Variants in GNG2 observed in about 807,000 individuals in gnomAD.
The protein encoded by GNG2 is guanine nucleotide-binding protein G(I)/G(S)/G(O) subunit gamma-2.
A neutral mutation model predicts 5.5 loss-of-function variants in GNG2; 5 were observed. The ratio of observed to expected loss-of-function variants is 0.91; its 90% CI spans 0.48 to 1.92. GNG2 has a LOEUF of 1.92. GNG2 is among the 30% of genes most tolerant of loss of function. GNG2 has a pLI of 0.01. For synonymous variants in GNG2, 28 were observed against 32.0 expected, an observed-to-expected ratio of 0.88 and a Z score of 0.42; for missense variants, 55 against 88.4, an observed-to-expected ratio of 0.62 and a Z score of 1.52.
At chr14:51,962,507 T>C (rs1308097396) in intron 3 of GNG2, among the ~76,000 whole-genome samples, 1 of 152,194 alleles carries the variant, frequency 6.6e-6, no homozygotes, top group African/African-American at 2.4e-5. Flanking sequence ...TTGTATTATT[T>C]GAAGTTCACA....
intron 2 of GNG2, among the ~76,000 whole-genome samples, chr14:51,928,927 G>A (rs74051311): frequency 1.8e-3 from 269 of 152,284 alleles, no homozygotes; most frequent in African/African-American, 6.2e-3. Context: ...TGAGAACTAA[G>A]CCGTAGTCTA....
chr14:51,947,726 C>CAA lies in GNG2; in HGVS notation c.-29-2922_-29-2921dup, dbSNP rs578026546. ...GTAATATATTACAGCAGCAATAGAA[C>CAA]AAATATATTCTCTATCTCAGCCTCC... On this transcript the variant is annotated intron_variant, in intron 2 of 3. Transcript: ENST00000556766. Among the ~76,000 whole-genome samples the CAA allele has an allele frequency of 4.5e-4, 69 of 152,256 alleles. No homozygotes were observed. In the East Asian group the frequency reaches 9.1e-3, roughly 20 times the overall value.
intron 1 of GNG2, among the ~76,000 whole-genome samples, chr14:51,865,983 T>C (rs548557734): frequency 6.6e-6 from 1 of 152,104 alleles, no homozygotes; most frequent in South Asian, 2.1e-4. Context: ...TCTCAAACTT[T>C]AGTGATAACA....
At chr14:51,893,138 G>T (rs1022454754) in intron 2 of GNG2, among the ~76,000 whole-genome samples, 2 of 152,170 alleles carry the variant, frequency 1.3e-5, no homozygotes, top group South Asian at 4.1e-4. Context: ...CAAACAGGGG[G>T]ATTGTTGAGT....
intron 2 of GNG2, among the ~76,000 whole-genome samples, chr14:51,911,559 TA>T (rs1161983967): frequency 2.0e-5 from 3 of 150,318 alleles, no homozygotes; most frequent in African/African-American, 7.4e-5. Context: ...TTTTTTTTTT[TA>T]AGAGACAGAG....
intron 2 of GNG2, among the ~76,000 whole-genome samples, chr14:51,936,955 C>T (rs1888043260): frequency 6.6e-6 from 1 of 152,168 alleles, no homozygotes; most frequent in African/African-American, 2.4e-5. Flanking sequence ...TCCTTTCACC[C>T]AAATAAACAG....
At chr14:51,952,068 T>C (rs1889008772) in intron 3 of GNG2, 1 of 603,558 alleles carries the variant, frequency 1.7e-6, no homozygotes, top group Non-Finnish European at 2.9e-6. Flanking sequence ...TTCATTCCGA[T>C]GTATAGCCAA....
At chr14:51,828,230 AAGCC>A (rs1881082957) in intron 2 of GNG2, among the ~76,000 whole-genome samples, 1 of 152,136 alleles carries the variant, frequency 6.6e-6, no homozygotes, top group African/African-American at 2.4e-5. Context: ...GGGACTGGGG[AAGCC>A]ACCTCAAGGT....
intron 2 of GNG2, among the ~76,000 whole-genome samples, chr14:51,939,230 C>G (rs1888178892): frequency 6.6e-6 from 1 of 152,136 alleles, no homozygotes; most frequent in Non-Finnish European, 1.5e-5. Flanking sequence ...TTTCCTTATC[C>G]AAGTCTCAGA....
chr14:51,898,502 A>C (rs569734297), intron 2 of GNG2, among the ~76,000 whole-genome samples: 62 of 152,320 alleles, frequency 4.1e-4, no homozygotes, highest in Middle Eastern at 3.4e-3. Flanking sequence ...AGTAACATGA[A>C]ACAAAGCTAA....
At chr14:51,932,406 T>C (rs1021349929) in intron 2 of GNG2, among the ~76,000 whole-genome samples, 4 of 151,868 alleles carry the variant, frequency 2.6e-5, no homozygotes, top group Non-Finnish European at 5.9e-5. Flanking sequence ...AAAAGATAAA[T>C]ACTGTATGAT....
chr14:51,838,907 A>G (rs1189783106), intron 2 of GNG2, among the ~76,000 whole-genome samples: 6 of 151,982 alleles, frequency 3.9e-5, no homozygotes, highest in Non-Finnish European at 1.5e-5. Flanking sequence ...ACCCTGTCTC[A>G]AAAAAAATAA....
At chr14:51,910,960 C>T (rs1295660080) in intron 2 of GNG2, among the ~76,000 whole-genome samples, 1 of 152,220 alleles carries the variant, frequency 6.6e-6, no homozygotes. Context: ...ACTTTCCTCC[C>T]GTTTGTCTTT....
chr14:51,836,765 A>G (rs1881341548), intron 2 of GNG2, among the ~76,000 whole-genome samples: 1 of 152,084 alleles, frequency 6.6e-6, no homozygotes, highest in Admixed American at 6.6e-5. Flanking sequence ...TGCTCATTAC[A>G]ATAAAAAAAC....
chr14:51,844,591 G>A (rs867987663), intron 2 of GNG2, among the ~76,000 whole-genome samples: 12 of 152,108 alleles, frequency 7.9e-5, no homozygotes, highest in African/African-American at 1.9e-4. Context: ...AAACCTCCAC[G>A]GAAGAGGACT....
At chr14:51,929,982 C>A (rs917352622) in intron 2 of GNG2, among the ~76,000 whole-genome samples, 1 of 152,034 alleles carries the variant, frequency 6.6e-6, no homozygotes, top group Admixed American at 6.6e-5. Context: ...ATAAAAACAT[C>A]TATCTCTAGA....
Position 51,929,597 on chromosome 14 carries a change from G to A in GNG2, c.-29-21053G>A, listed in dbSNP as rs185858236. Among the ~76,000 whole-genome samples the A allele has an allele frequency of 2.3e-3, 356 of 152,306 alleles. 4 individuals are homozygous for A. Among genetic ancestry groups the A allele is most frequent in the African/African-American group, 8.2e-3 (340 of 41,572 alleles). ...CAGAGCCAAAAGTGATTGGAGGTGG[G>A]TGGGGTTAATGAATAGACAAGTGTT... is the stretch of plus-strand genomic sequence containing the variant. On this transcript the variant is annotated intron_variant, in intron 2 of 3. Transcript: ENST00000556766.
At position 51,875,222 on chromosome 14, in the gene GNG2, A is replaced by G. The variant is rs552289157; in HGVS notation, c.-70-2395A>G. On this transcript the variant is annotated intron_variant, in intron 1 of 3. Transcript: ENST00000556766. ...CAGGCTCCTTCTATCCTGTTTTTCT[A>G]TCATTCCTATGAGGTTTCTCTTGCT... Among the ~76,000 whole-genome samples, 185 of 152,308 alleles carry G rather than the reference A, an allele frequency of 1.2e-3. 1 individual carries two copies. The highest frequency in any genetic ancestry group is 6.8e-3 in the Middle Eastern group (2 of 294).
At chr14:51,940,605 A>G (rs1888260868) in intron 2 of GNG2, among the ~76,000 whole-genome samples, 1 of 152,230 alleles carries the variant, frequency 6.6e-6, no homozygotes, top group Admixed American at 6.5e-5. Flanking sequence ...GTTGAAAGAC[A>G]TGATTGGGAA....
Sources: allele counts gnomAD v4.1 joint callset (sites outside exome capture counted in the v4.1 genomes callset), GRCh38; gene constraint gnomAD v4.1.1; transcripts MANE v1.5; gene names NCBI Gene and HGNC (gene_info 2026-07-23, HGNC 2026-07-21).